Variants in AGBL1 observed in about 807,000 individuals in gnomAD.
The protein encoded by AGBL1 is AGBL carboxypeptidase 1.
In AGBL1, 130 loss-of-function variants were observed where a neutral mutation model predicts 118.9. The ratio of observed to expected loss-of-function variants is 1.09; its 90% CI spans 0.95 to 1.26. The LOEUF is 1.26. AGBL1 is among the 50% of genes most tolerant of loss of function. The pLI, the probability that AGBL1 is intolerant of heterozygous loss-of-function variation, is 0.00. For missense variants in AGBL1, 1,584 were observed against 1,298.1 expected, an observed-to-expected ratio of 1.22 and a Z score of -3.38; for synonymous variants, 555 against 478.9, an observed-to-expected ratio of 1.16 and a Z score of -2.08.
chr15:86,844,212 T>C (rs1390040894), intron 22 of AGBL1, among the ~76,000 whole-genome samples: 2 of 152,206 alleles, frequency 1.3e-5, no homozygotes, highest in South Asian at 2.1e-4. Flanking sequence ...CTAATCATTG[T>C]GTGGACATGT....
At chr15:86,496,141 G>A (rs1567024510) in intron 18 of AGBL1, among the ~76,000 whole-genome samples, 1 of 151,942 alleles carries the variant, frequency 6.6e-6, no homozygotes, top group African/African-American at 2.4e-5. Flanking sequence ...CATGGGGGCG[G>A]TTTCCCCCAT....
At position 86,546,095 on chromosome 15, in the gene AGBL1, G is replaced by T; in HGVS notation, c.2779G>T (p.Val927Leu). The change falls in exon 20 of 23, where the codon GTG (valine) becomes TTG (leucine). Residue 927 changes from valine to leucine, a missense_variant. Transcript: ENST00000614907. ...KETLWQAACT[V>L]GTSTILEEVN... ...AACCTTGTGGCAAGCAGCATGCACT[G>T]TGGGCACATCTACTATCCTAGAGGA... The T allele has an allele frequency of 1.2e-6, 2 of 1,613,388 alleles. No homozygotes were observed. The highest frequency in any genetic ancestry group is 1.7e-6 in the Non-Finnish European group (2 of 1,179,572).
At chr15:86,536,698 G>GAATGA (rs2083431427) in intron 19 of AGBL1, among the ~76,000 whole-genome samples, 1 of 152,166 alleles carries the variant, frequency 6.6e-6, no homozygotes, top group Non-Finnish European at 1.5e-5. Context: ...TTGTGGAATG[G>GAATGA]AATGAAATGA....
intron 1 of AGBL1, among the ~76,000 whole-genome samples, chr15:86,132,899 T>A (rs142792681): frequency 2.0e-5 from 3 of 152,228 alleles, no homozygotes; most frequent in African/African-American, 4.8e-5. Context: ...TCATAAGATG[T>A]ATCTCAAAGG....
chr15:86,856,354 A>C (rs1455879632), intron 22 of AGBL1, among the ~76,000 whole-genome samples: 2 of 152,208 alleles, frequency 1.3e-5, no homozygotes, highest in Non-Finnish European at 2.9e-5. Flanking sequence ...CTTTTCTTCA[A>C]TGATCTTCTC....
intron 16 of AGBL1, 32 bp downstream of exon 16, chr15:86,279,815 G>T: frequency 5.0e-6 from 8 of 1,608,720 alleles, no homozygotes; most frequent in Non-Finnish European, 6.8e-6. Context: ...CACTCCAGCA[G>T]GACTGAAGGG....
intron 22 of AGBL1, among the ~76,000 whole-genome samples, chr15:86,723,593 C>T (rs1005898042): frequency 2.8e-4 from 42 of 152,058 alleles, no homozygotes; most frequent in African/African-American, 8.7e-4. Context: ...CAACATGGCA[C>T]GTGTATACAC....
At chr15:86,688,743 T>C (rs1037174560) in intron 22 of AGBL1, among the ~76,000 whole-genome samples, 1 of 152,172 alleles carries the variant, frequency 6.6e-6, no homozygotes, top group Non-Finnish European at 1.5e-5. Context: ...CTGCACATAT[T>C]TGAAATACTA....
rs1288374663 is a variant in AGBL1 at position 86,568,700 on chromosome 15, GC to G, written c.2994+14167del. Among the ~76,000 whole-genome samples the G allele has an allele frequency of 2.0e-5, 3 of 152,158 alleles. 1 individual carries two copies. Among genetic ancestry groups the G allele is most frequent in the Non-Finnish European group, 4.4e-5 (3 of 68,034 alleles). The stretch of plus-strand genomic sequence containing the variant: ...ATTTGTTAGAAATGCAGACTCCCAG[GC>G]CCCACCTACTGAATCTGCATTTTAA... On this transcript the variant is annotated intron_variant, in intron 21 of 22. Transcript: ENST00000614907.
intron 22 of AGBL1, among the ~76,000 whole-genome samples, chr15:86,822,979 G>T (rs1041969859): frequency 4.6e-5 from 7 of 152,140 alleles, no homozygotes; most frequent in Admixed American, 1.3e-4. Flanking sequence ...GGGTTAAACA[G>T]AAGTCAACAT....
intron 18 of AGBL1, among the ~76,000 whole-genome samples, chr15:86,476,033 G>A (rs2082554200): frequency 6.6e-6 from 1 of 152,274 alleles, no homozygotes. Context: ...CAAATGCTGA[G>A]AGATTTTGTC....
chr15:86,561,098 C>G (rs2083812475), intron 21 of AGBL1, among the ~76,000 whole-genome samples: 1 of 152,188 alleles, frequency 6.6e-6, no homozygotes, highest in African/African-American at 2.4e-5. Context: ...CCTGTTCACT[C>G]TGATGGTAGT....
rs554584176 is a variant in AGBL1 at position 86,489,213 on chromosome 15, A to G, written c.2556-33597A>G. Among the ~76,000 whole-genome samples the G allele has an allele frequency of 3.3e-5, 5 of 152,254 alleles. No homozygotes were observed. In the East Asian group the frequency reaches 7.8e-4, roughly 24 times the overall value. On this transcript the variant is annotated intron_variant, in intron 18 of 22. Transcript: ENST00000614907. ...TCTTTGCCTTTGGGACTAGACCAAA[A>G]TCTCCTTATGATAAGGAGCCTTCCA... is the stretch of plus-strand genomic sequence containing the variant.
chr15:86,374,185 C>A (rs149337736), intron 17 of AGBL1, among the ~76,000 whole-genome samples: 3 of 152,154 alleles, frequency 2.0e-5, no homozygotes, highest in African/African-American at 7.2e-5. Context: ...AATTCTAATC[C>A]GCAGGTCTCT....
intron 7 of AGBL1, among the ~76,000 whole-genome samples, chr15:86,253,353 C>T (rs879744062): frequency 2.0e-5 from 3 of 152,090 alleles, no homozygotes; most frequent in East Asian, 1.9e-4. Flanking sequence ...TGAGTTCAAG[C>T]GATTCTCCTG....
intron 7 of AGBL1, among the ~76,000 whole-genome samples, chr15:86,255,786 A>G (rs565514560): frequency 2.0e-5 from 3 of 152,282 alleles, no homozygotes; most frequent in South Asian, 2.1e-4. Context: ...TCTAAAAAAA[A>G]AAGAAAGTTG....
intron 19 of AGBL1, among the ~76,000 whole-genome samples, chr15:86,531,911 C>A (rs1385447510): frequency 6.7e-6 from 1 of 149,830 alleles, no homozygotes; most frequent in South Asian, 2.1e-4. Context: ...AATTCAACAA[C>A]CCTTCATGCT....
At chr15:86,410,839 TATAA>T (rs1423633007) in intron 18 of AGBL1, among the ~76,000 whole-genome samples, 7 of 68,160 alleles carry the variant, frequency 1.0e-4, no homozygotes, top group African/African-American at 4.3e-4. Flanking sequence ...TATATATATA[TATAA>T]TATACTATTT....
chr15:86,551,371 C>G (rs1294545298), intron 20 of AGBL1, among the ~76,000 whole-genome samples: 3 of 151,952 alleles, frequency 2.0e-5, no homozygotes, highest in African/African-American at 4.8e-5. Context: ...AAAGAAGATA[C>G]AAGTTACCAA....
Sources: allele counts gnomAD v4.1 joint callset (sites outside exome capture counted in the v4.1 genomes callset), GRCh38; gene constraint gnomAD v4.1.1; transcripts MANE v1.5; gene names NCBI Gene and HGNC (gene_info 2026-07-23, HGNC 2026-07-21).